PAX2: variants seen among roughly 807,000 people sequenced by gnomAD.
PAX2 encodes the protein paired box 2.
Under a neutral mutation model 41.7 loss-of-function variants are expected in PAX2, and 9 were observed. That is an observed-to-expected ratio of 0.22 (90% CI 0.13 to 0.38). The LOEUF is 0.38. PAX2 is among the 10% of genes least tolerant of loss of function. The probability of loss-of-function intolerance (pLI) is 1.00; values close to 1 mark genes in which losing one functional copy is unlikely to be tolerated. For synonymous variants in PAX2, 221 were observed against 212.7 expected (o/e 1.04, Z -0.34); for missense variants, 418 against 531.6 (o/e 0.79, Z 2.10).
At chr10:100,749,457 C>G (rs1845349219) in intron 1 of PAX2, 1 of 1,267,000 alleles carries the variant, frequency 7.9e-7, no homozygotes, top group African/African-American at 1.5e-5. Flanking sequence ...CTCCCCTCTC[C>G]CCTCTTTTCT....
chr10:100,779,560 T>C lies in PAX2; in HGVS notation c.473T>C (p.Val158Ala), dbSNP rs1197118631. ...HPTPDGAGTG[V>A]TAPGHTIVPS... is the part of the protein sequence containing the mutation. ...ACGCCGGATGGGGCTGGGACAGGAG[T>C]GACCGCCCCTGGCCACACCATTGGT... is the stretch of plus-strand genomic sequence containing the variant. The change falls in exon 4 of 10, where the codon GTG becomes GCG. Residue 158 changes from valine (V) to alanine (A), a missense_variant. Physicochemically the swap from Val to Ala is moderately conservative, Grantham distance 64. Coordinates refer to ENST00000355243, the MANE Select transcript of PAX2 (RefSeq NM_000278.5). 7.5e-6 allele frequency: 12 copies of C among 1,590,900 alleles called. No individual in the cohort carries two copies. Among genetic ancestry groups the C allele is most frequent in the Non-Finnish European group, 1.0e-5 (12 of 1,168,950 alleles).
intron 5 of PAX2, among the ~76,000 whole-genome samples, chr10:100,798,427 C>A (rs1381306687): frequency 6.6e-6 from 1 of 151,978 alleles, no homozygotes; most frequent in Non-Finnish European, 1.5e-5. Context: ...ACTTTATGCC[C>A]ACCTCTTGAG....
rs550265633 is a variant in PAX2 at position 100,807,461 on chromosome 10, C to T, written c.792+856C>T. Among the ~76,000 whole-genome samples, 123 of 148,262 alleles carry T rather than the reference C, an allele frequency of 8.3e-4. 1 individual carries two copies. The highest frequency in any genetic ancestry group is 4.6e-3 in the South Asian group (21 of 4,594). ...CACCTGTTCCCTCACCCACAGCCCA[C>T]GGTACTGTGCTCACACACCACTGTC... On this transcript the variant is annotated intron_variant, in intron 6 of 9. Coordinates refer to ENST00000355243, the MANE Select transcript of PAX2 (RefSeq NM_000278.5).
chr10:100,790,976 T>G (rs79408006), intron 5 of PAX2, among the ~76,000 whole-genome samples: 2,134 of 152,308 alleles, frequency 0.014, 32 homozygotes, highest in Middle Eastern at 0.048. Context: ...CAAACCATCC[T>G]GACCCTTCGG....
chr10:100,743,816 C>A (rs150966732), upstream of PAX2, among the ~76,000 whole-genome samples: 30 of 152,352 alleles, frequency 2.0e-4, no homozygotes, highest in South Asian at 2.3e-3. Context: ...CTAGGCCCTG[C>A]GTCTTCAACC....
Position 100,829,458 on chromosome 10 carries a change from C to G in PAX2, c.*1839C>G, listed in dbSNP as rs957276660. The G allele has an allele frequency of 9.6e-6, 2 of 207,690 alleles. No homozygotes were observed. The highest frequency in any genetic ancestry group is 4.6e-5 in the African/African-American group (2 of 43,890). 12.9% of individuals were successfully genotyped at this position (207,690 alleles called of 1,614,324 possible). A position where few individuals can be genotyped will look rare whatever the true frequency, so the allele number is the denominator to read the frequency against. ...GCGGCCGAAGGCCGGGCCGCCCCGT[C>G]CCGCCCCGTAGTTGCTCTTTCGGTA... On this transcript the variant is annotated 3_prime_UTR_variant, in exon 10 of 10. Transcript: ENST00000355243.
At chr10:100,756,049 G>A (rs1845613854) in intron 3 of PAX2, among the ~76,000 whole-genome samples, 1 of 152,156 alleles carries the variant, frequency 6.6e-6, no homozygotes, top group Non-Finnish European at 1.5e-5. Flanking sequence ...TTGGGAAATG[G>A]GCTTGTTCTG....
At chr10:100,755,375 A>G (rs887432982) in intron 3 of PAX2, among the ~76,000 whole-genome samples, 1 of 152,238 alleles carries the variant, frequency 6.6e-6, no homozygotes, top group Non-Finnish European at 1.5e-5. Context: ...AGAGGCAGAC[A>G]GGAGGCACTG....
chr10:100,739,742 A>C (rs1022709141), intron 1 of PAX2, among the ~76,000 whole-genome samples: 1 of 152,066 alleles, frequency 6.6e-6, no homozygotes, highest in African/African-American at 2.4e-5. Context: ...ATGACTGTGG[A>C]GGTAACGCCG....
At chr10:100,804,550 G>A (rs753122766) in intron 5 of PAX2, among the ~76,000 whole-genome samples, 2 of 152,134 alleles carry the variant, frequency 1.3e-5, no homozygotes, top group African/African-American at 2.4e-5. Flanking sequence ...ATAGCTACAG[G>A]GAGTGAAATG....
rs553031631 is a variant in PAX2, at chr10:100,818,618, T to C, written c.920-6030T>C. 1.3e-3 allele frequency among the ~76,000 whole-genome samples: 199 copies of C among 152,344 alleles called. 1 individual carries two copies. The highest frequency in any genetic ancestry group is 4.7e-3 in the African/African-American group (195 of 41,584). The stretch of plus-strand genomic sequence containing the variant: ...CCATAACATTTTATGTATAGATTTA[T>C]ATAGACCCCTTGAAGTGATCTATGG... On this transcript the variant is annotated intron_variant, in intron 7 of 9. Transcript: ENST00000355243.
At position 100,779,532 on chromosome 10, in the gene PAX2, C is replaced by T. The variant is rs1401507282; in HGVS notation, c.445C>T (p.Pro149Ser). The change falls in exon 4 of 10, where the codon CCA (proline) becomes TCA (serine). Residue 149 changes from proline (P) to serine (S), a missense_variant. By Grantham distance (74) the Pro-to-Ser change is moderately conservative. Around this residue, in one of 2 missense-constraint regions of PAX2, gnomAD observed 310 missense variants for 325.2 expected, o/e 0.95. Coordinates refer to ENST00000355243, the MANE Select transcript of PAX2 (RefSeq NM_000278.5). Reference sequence around the variant, plus strand: ...GACCAAAGTTCAGCAGCCTTTCCACCCAACGCCGGATGGGGCTGGGACAGG... The same window carrying T: ...GACCAAAGTTCAGCAGCCTTTCCACTCAACGCCGGATGGGGCTGGGACAGG... ...IRTKVQQPFH[P>S]TPDGAGTGVT... 5.0e-6 allele frequency: 8 copies of T among 1,597,362 alleles called. No homozygotes were observed. The East Asian group carries it at 1.6e-4, about 32-fold the overall frequency.
chr10:100,795,146 T>C (rs920140336), intron 5 of PAX2, among the ~76,000 whole-genome samples: 17 of 152,252 alleles, frequency 1.1e-4, no homozygotes, highest in Admixed American at 1.0e-3. Context: ...TCCATTATGC[T>C]AGGAAGGAGA....
chr10:100,738,026 A>T (rs1458990476), intron 1 of PAX2, among the ~76,000 whole-genome samples: 1 of 152,214 alleles, frequency 6.6e-6, no homozygotes, highest in Non-Finnish European at 1.5e-5. Context: ...TTACAAAAAT[A>T]AGCCGTTTAT....
chr10:100,754,066 G>A (rs1019529519), intron 3 of PAX2, among the ~76,000 whole-genome samples: 1 of 152,212 alleles, frequency 6.6e-6, no homozygotes, highest in Non-Finnish European at 1.5e-5. Context: ...AAGGGCAGGT[G>A]TTTATAAACA....
intron 7 of PAX2, among the ~76,000 whole-genome samples, chr10:100,823,815 T>C (rs142550731): frequency 5.4e-4 from 83 of 152,298 alleles, no homozygotes; most frequent in Non-Finnish European, 9.7e-4. Context: ...CATGTGCAGC[T>C]GTGTCCCAGA....
At chr10:100,781,616 G>A (rs1381131572) in intron 5 of PAX2, among the ~76,000 whole-genome samples, 2 of 152,212 alleles carry the variant, frequency 1.3e-5, no homozygotes, top group Non-Finnish European at 2.9e-5. Context: ...ATCGATCCCT[G>A]TGGGATGTCA....
rs571468762 is a variant in PAX2, at chr10:100,819,277, A to C, written c.920-5371A>C. Among the ~76,000 whole-genome samples the C allele has an allele frequency of 6.1e-5, 9 of 147,416 alleles. No individual in the cohort carries two copies. In the East Asian group the frequency reaches 1.9e-3, roughly 30 times the overall value. On this transcript the variant is annotated intron_variant, in intron 7 of 9. Transcript: ENST00000355243. ...AAAAAAAAGGGGGGGGAGTTTAAAA[A>C]CATATCAATGGCTGGTCCCAGTGGC...
Position 100,745,722 on chromosome 10 carries a change from C to A in PAX2, c.-539C>A. ...GCCTTTTCCGGGGGCGGGGGCCTGGCCCGCGCGCTCCCCTCCCGCAGGCGC... is the reference window on the plus strand; with the variant it reads ...GCCTTTTCCGGGGGCGGGGGCCTGGACCGCGCGCTCCCCTCCCGCAGGCGC... On this transcript the variant is annotated 5_prime_UTR_variant, in exon 1 of 10. Transcript: ENST00000355243. 2 of 1,019,248 alleles carry A rather than the reference C, an allele frequency of 2.0e-6. No individual in the cohort carries two copies. The highest frequency in any genetic ancestry group is 2.4e-6 in the Non-Finnish European group (2 of 848,532). The allele number at this position is 1,019,248 out of a possible 1,614,324, so 63.1% of individuals were successfully genotyped here. A position where few individuals can be genotyped will look rare whatever the true frequency, so the allele number is the denominator to read the frequency against.
Sources: gnomAD v4.1 joint callset for allele counts (sites outside exome capture counted in the v4.1 genomes callset) on GRCh38, gnomAD v4.1.1 for gene constraint, gnomAD v4.1.1 regional missense constraint, MANE v1.5 for transcripts, NCBI Gene and HGNC (gene_info 2026-07-23, HGNC 2026-07-21) for gene names.